NGEF: variants seen among roughly 807,000 people sequenced by gnomAD.
The protein encoded by NGEF is ephexin-1.
In NGEF, 31 loss-of-function variants were observed where a neutral mutation model predicts 80.9. The ratio of observed to expected loss-of-function variants is 0.38; its 90% CI spans 0.29 to 0.52. NGEF has a LOEUF of 0.52. NGEF is among the 20% of genes least tolerant of loss of function. The pLI, the probability that NGEF is intolerant of heterozygous loss-of-function variation, is 0.84. For synonymous variants in NGEF, 371 were observed against 370.2 expected (o/e 1.00, Z -0.03); for missense variants, 709 against 926.2 (o/e 0.77, Z 3.04).
At chr2:232,991,487 A>G (rs896014479) in intron 1 of NGEF, among the ~76,000 whole-genome samples, 1 of 152,124 alleles carries the variant, frequency 6.6e-6, no homozygotes, top group East Asian at 1.9e-4. Context: ...TAAAAAAACC[A>G]ATACACAATA....
At chr2:232,901,507 T>C in intron 5 of NGEF, 7 of 924,404 alleles carry the variant, frequency 7.6e-6, no homozygotes, top group Non-Finnish European at 9.0e-6. Flanking sequence ...CGATGCGTTG[T>C]TGCAGCTGCG....
intron 3 of NGEF, among the ~76,000 whole-genome samples, chr2:232,951,561 G>GC: frequency 6.6e-6 from 1 of 152,328 alleles, no homozygotes; most frequent in South Asian, 2.1e-4. Context: ...TGCGTGACCG[G>GC]CAGTGTCAGG....
At position 232,894,404 on chromosome 2, in the gene NGEF, A is replaced by G. The variant is rs373992788; in HGVS notation, c.989+352T>C. Among the ~76,000 whole-genome samples the G allele has an allele frequency of 6.6e-5, 10 of 152,302 alleles. 1 individual carries two copies. The South Asian group carries it at 2.1e-3, about 32-fold the overall frequency. On this transcript the variant is annotated intron_variant, in intron 6 of 14. Coordinates refer to ENST00000264051, the MANE Select transcript of NGEF (RefSeq NM_019850.3). The stretch of plus-strand genomic sequence containing the variant: ...CATGGACACCTTCTGTCCCTGTCAC[A>G]AGACTCCCGTGGACCTGCCTGGTTT...
intron 1 of NGEF, among the ~76,000 whole-genome samples, chr2:232,991,996 A>G (rs539173595): frequency 6.6e-6 from 1 of 152,364 alleles, no homozygotes; most frequent in East Asian, 1.9e-4. Context: ...GCCTTCAACA[A>G]ATAGTGCTGG....
rs181558666 is a variant in NGEF, at chr2:232,939,405, T to C, written c.384-12219A>G. On this transcript the variant is annotated intron_variant, in intron 3 of 14. Transcript: ENST00000264051. ...ATTTAGTGCTAAAATGCATTCACTA[T>C]GGTAACAGAGAATGCATTGCCTTAA... Among the ~76,000 whole-genome samples the C allele has an allele frequency of 1.8e-3, 278 of 152,290 alleles. 2 individuals carry two copies. The highest frequency in any genetic ancestry group is 6.4e-3 in the African/African-American group (265 of 41,558).
intron 9 of NGEF, among the ~76,000 whole-genome samples, chr2:232,886,081 G>A (rs555929585): frequency 1.2e-5 from 1 of 85,236 alleles, no homozygotes; most frequent in Non-Finnish European, 2.5e-5. Context: ...AAAGAATACA[G>A]TGGTGTGTGT....
chr2:232,903,002 A>C (rs55877725), intron 5 of NGEF, among the ~76,000 whole-genome samples: 147 of 151,204 alleles, frequency 9.7e-4, no homozygotes, highest in Middle Eastern at 3.4e-3. Context: ...AAAACAAAAC[A>C]AAAACAAAAC....
chr2:232,987,423 C>T (rs553335157), intron 1 of NGEF, among the ~76,000 whole-genome samples: 1 of 152,254 alleles, frequency 6.6e-6, no homozygotes, highest in Admixed American at 6.5e-5. Flanking sequence ...GGAGGTGTGC[C>T]TCCTATGGTA....
At chr2:232,974,326 T>G (rs754878018) in intron 2 of NGEF, among the ~76,000 whole-genome samples, 2 of 152,040 alleles carry the variant, frequency 1.3e-5, no homozygotes, top group Non-Finnish European at 2.9e-5. Flanking sequence ...GTCTCCCTCC[T>G]AGAATGCATG....
intron 3 of NGEF, among the ~76,000 whole-genome samples, chr2:232,952,762 G>T (rs1693702048): frequency 6.6e-6 from 1 of 150,590 alleles, no homozygotes; most frequent in African/African-American, 2.4e-5. Flanking sequence ...GAGGTCAGGA[G>T]TTCGAGACCA....
At chr2:232,919,893 A>G (rs1199289859) in intron 5 of NGEF, among the ~76,000 whole-genome samples, 1 of 152,176 alleles carries the variant, frequency 6.6e-6, no homozygotes, top group East Asian at 1.9e-4. Context: ...ATGCAAAGAG[A>G]TATGGCAGAC....
At chr2:232,986,120 A>C (rs1397694421) in intron 1 of NGEF, among the ~76,000 whole-genome samples, 1 of 152,216 alleles carries the variant, frequency 6.6e-6, no homozygotes, top group African/African-American at 2.4e-5. Context: ...AAAAATGCTC[A>C]AGATCACTGA....
At chr2:232,910,937 C>T (rs1338724106) in intron 5 of NGEF, among the ~76,000 whole-genome samples, 1 of 152,170 alleles carries the variant, frequency 6.6e-6, no homozygotes, top group Non-Finnish European at 1.5e-5. Flanking sequence ...TCCTCCCCAT[C>T]TGTAGCTTCT....
At chr2:232,918,929 A>G (rs529570120) in intron 5 of NGEF, among the ~76,000 whole-genome samples, 20 of 152,294 alleles carry the variant, frequency 1.3e-4, no homozygotes, top group Non-Finnish European at 2.4e-4. Flanking sequence ...ACCCAGTCTT[A>G]TTTCTAAGTT....
chr2:232,956,948 A>T (rs1008806903), intron 3 of NGEF, among the ~76,000 whole-genome samples: 4 of 152,126 alleles, frequency 2.6e-5, no homozygotes, highest in African/African-American at 9.7e-5. Flanking sequence ...AGGAATTTAA[A>T]TAGGAAGATA....
At chr2:232,881,444 A>G (rs1453600087) in intron 13 of NGEF, among the ~76,000 whole-genome samples, 194 bp from the exon 14 acceptor site, 3 of 152,202 alleles carry the variant, frequency 2.0e-5, no homozygotes, top group Admixed American at 2.0e-4. Context: ...GGGAAGAAAT[A>G]CATGCATAAA....
At chr2:232,933,218 T>C (rs1254792409) in intron 3 of NGEF, among the ~76,000 whole-genome samples, 1 of 152,124 alleles carries the variant, frequency 6.6e-6, no homozygotes, top group East Asian at 1.9e-4. Flanking sequence ...TACCTTCCAA[T>C]ATCATCACTT....
chr2:232,954,742 A>G (rs78305845), intron 3 of NGEF, among the ~76,000 whole-genome samples: 12 of 151,014 alleles, frequency 7.9e-5, no homozygotes, highest in Admixed American at 4.0e-4. Flanking sequence ...AAAAAAAAAA[A>G]AGAGAGGAGC....
chr2:232,909,371 C>G (rs1370324644), intron 5 of NGEF, among the ~76,000 whole-genome samples: 1 of 152,074 alleles, frequency 6.6e-6, no homozygotes, highest in Non-Finnish European at 1.5e-5. Context: ...ATTAATTCAT[C>G]CTTGCTTAAT....
Sources: gnomAD v4.1 joint callset for allele counts (sites outside exome capture counted in the v4.1 genomes callset) on GRCh38, gnomAD v4.1.1 for gene constraint, MANE v1.5 for transcripts, NCBI Gene and HGNC (gene_info 2026-07-23, HGNC 2026-07-21) for gene names.